Variants in CALD1 observed in about 807,000 individuals in gnomAD.
CALD1 encodes caldesmon 1, also known as caldesmon.
A neutral mutation model predicts 99.9 loss-of-function variants in CALD1; 33 were observed. The ratio of observed to expected loss-of-function variants is 0.33; its 90% CI spans 0.25 to 0.44. CALD1 has a LOEUF of 0.44. Ranked by LOEUF, CALD1 falls within the 20% of genes least tolerant of loss-of-function variation. The pLI, the probability that CALD1 is intolerant of heterozygous loss-of-function variation, is 1.00. For missense variants in CALD1, 861 were observed against 962.1 expected, an observed-to-expected ratio of 0.89 and a Z score of 1.39; for synonymous variants, 310 against 325.0, an observed-to-expected ratio of 0.95 and a Z score of 0.50.
At chr7:134,882,182 T>C (rs1358483957) in intron 3 of CALD1, among the ~76,000 whole-genome samples, 1 of 152,190 alleles carries the variant, frequency 6.6e-6, no homozygotes, top group Non-Finnish European at 1.5e-5. Context: ...CTAAGCTACT[T>C]GTGAGGGAGG....
chr7:134,900,778 G>A (rs1267813250), intron 3 of CALD1, among the ~76,000 whole-genome samples: 2 of 152,064 alleles, frequency 1.3e-5, no homozygotes, highest in African/African-American at 4.8e-5. Flanking sequence ...ACCACAGTGG[G>A]TGCCTGATCA....
chr7:134,779,139 A>G (rs1797004669), upstream of CALD1, among the ~76,000 whole-genome samples: 1 of 152,220 alleles, frequency 6.6e-6, no homozygotes, highest in Non-Finnish European at 1.5e-5. Context: ...GAAATATACT[A>G]TTAAGACTCC....
Position 134,941,176 on chromosome 7 carries a change from G to A in CALD1, c.1471G>A (p.Val491Ile). 3 of 1,613,102 alleles carry A rather than the reference G, an allele frequency of 1.9e-6. No homozygotes were observed. Among genetic ancestry groups the A allele is most frequent in the Non-Finnish European group, 1.7e-6 (2 of 1,179,556 alleles). Residue 491 changes from valine to isoleucine, a missense_variant, in exon 7 of 15, where the codon GTT becomes ATT. Around this residue, in one of 5 missense-constraint regions of CALD1, gnomAD observed 293 missense variants for 262.7 expected, o/e 1.12. Transcript: ENST00000361675. ...FMDRKKGFTE[V>I]KSQNGEFMTH... ...GGATCGAAAGAAGGGATTTACAGAAGTTAAGTCGCAGAATGGAGAATTCAT... is the reference window on the plus strand; with the variant it reads ...GGATCGAAAGAAGGGATTTACAGAAATTAAGTCGCAGAATGGAGAATTCAT...
chr7:134,924,230 T>C (rs1477462690), intron 3 of CALD1, among the ~76,000 whole-genome samples: 4 of 152,208 alleles, frequency 2.6e-5, no homozygotes, highest in African/African-American at 9.7e-5. Flanking sequence ...CACATACTCA[T>C]CATGTTCAAA....
intron 2 of CALD1, among the ~76,000 whole-genome samples, chr7:134,860,443 CA>C (rs1215692908): frequency 6.6e-6 from 1 of 152,174 alleles, no homozygotes; most frequent in Non-Finnish European, 1.5e-5. Context: ...GAGATTCATA[CA>C]TAGTCAATTA....
At chr7:134,935,906 T>C in intron 6 of CALD1, 141 bp downstream of exon 6, 3 of 772,936 alleles carry the variant, frequency 3.9e-6, no homozygotes, top group Non-Finnish European at 6.1e-6. Context: ...CACTGAATAG[T>C]GAGATCAGCT....
At chr7:134,784,263 T>A (rs1040480804) in intron 1 of CALD1, among the ~76,000 whole-genome samples, 1 of 152,152 alleles carries the variant, frequency 6.6e-6, no homozygotes, top group Non-Finnish European at 1.5e-5. Flanking sequence ...GAGAAACATA[T>A]TAAGCAGGAA....
intron 2 of CALD1, among the ~76,000 whole-genome samples, chr7:134,846,463 T>A (rs1799858418): frequency 3.3e-5 from 5 of 152,218 alleles, no homozygotes; most frequent in Admixed American, 3.3e-4. Flanking sequence ...CCATCAAATG[T>A]CATTTCTCAC....
At chr7:134,851,019 C>T (rs1314685627) in intron 2 of CALD1, among the ~76,000 whole-genome samples, 5 of 152,178 alleles carry the variant, frequency 3.3e-5, no homozygotes, top group South Asian at 4.1e-4. Context: ...TCCCCAGCCA[C>T]GTGGAACTGT....
intron 9 of CALD1, among the ~76,000 whole-genome samples, chr7:134,956,776 G>T (rs1008506568): frequency 6.6e-6 from 1 of 152,148 alleles, no homozygotes. Context: ...ACTTTTCAGC[G>T]TGCATGTGCT....
At chr7:134,958,155 A>G (rs1048575561) in intron 10 of CALD1, 43 bp downstream of exon 10, 7 of 1,607,566 alleles carry the variant, frequency 4.4e-6, no homozygotes, top group Admixed American at 1.7e-5. Flanking sequence ...CAGCTAGCAT[A>G]TGTATGAGAA....
At chr7:134,861,992 C>T (rs545831644) in intron 2 of CALD1, among the ~76,000 whole-genome samples, 7 of 152,262 alleles carry the variant, frequency 4.6e-5, no homozygotes, top group African/African-American at 1.4e-4. Flanking sequence ...TCCTGAGTTA[C>T]GAATTTTACA....
At chr7:134,932,939 A>AATG (rs1563107860) in intron 4 of CALD1, 49 bp from the exon 5 acceptor site, 9 of 1,308,628 alleles carry the variant, frequency 6.9e-6, no homozygotes, top group Non-Finnish European at 9.7e-6. Flanking sequence ...AATGCTGCTG[A>AATG]CTGATGAATG....
chr7:134,762,398 G>A (rs775625124), intron 1 of CALD1, among the ~76,000 whole-genome samples: 56 of 152,206 alleles, frequency 3.7e-4, no homozygotes, highest in Non-Finnish European at 7.2e-4. Flanking sequence ...CATGGGAGGG[G>A]AGGAGTGTTA....
At position 134,933,971 on chromosome 7, in the gene CALD1, A is replaced by G; in HGVS notation, c.1202A>G (p.Glu401Gly). 6.2e-7 allele frequency: 1 copy of G among 1,614,144 alleles called. No individual in the cohort carries two copies. The highest frequency in any genetic ancestry group is 8.5e-7 in the Non-Finnish European group (1 of 1,180,014). The part of the protein sequence containing the change: ...QLEEKKHAMQ[E>G]TKIKGEKVEQ... ...GAAGAGAAAAAACATGCCATGCAAGAGACAAAGATAAAAGGGGAAAAGGTA... is the reference window on the plus strand; with the variant it reads ...GAAGAGAAAAAACATGCCATGCAAGGGACAAAGATAAAAGGGGAAAAGGTA... Residue 401 changes from glutamate to glycine, a missense_variant, in exon 5 of 15, where the codon GAG becomes GGG. This residue lies in a region of CALD1 where 293 missense variants were observed against 262.7 expected (regional missense o/e 1.12). Coordinates refer to ENST00000361675, the MANE Select transcript of CALD1 (RefSeq NM_033138.4).
chr7:134,767,661 G>A lies in CALD1; in HGVS notation c.-130+23298G>A, dbSNP rs76028361. On this transcript the variant is annotated intron_variant, in intron 1 of 13. Coordinates refer to the CALD1 transcript ENST00000417172. ...CAGACAGGCTTCCTTGAGCATGAAC[G>A]GGAAGAGGAAACGTGCATGGCTGGG... 4.8e-3 allele frequency among the ~76,000 whole-genome samples: 731 copies of A among 152,336 alleles called. 22 individuals are homozygous for A. In the East Asian group the frequency reaches 0.07, roughly 15 times the overall value.
intron 3 of CALD1, among the ~76,000 whole-genome samples, chr7:134,917,353 T>A (rs745937841): frequency 4.3e-4 from 66 of 152,194 alleles, no homozygotes; most frequent in Admixed American, 1.6e-3. Flanking sequence ...TTAAAAAAAA[T>A]TTTTATTTTT....
At position 134,779,635 on chromosome 7, in the gene CALD1, G is replaced by C; in HGVS notation, c.-244G>C. 2.5e-6 allele frequency: 1 copy of C among 398,772 alleles called. No individual in the cohort carries two copies. Among genetic ancestry groups the C allele is most frequent in the East Asian group, 3.6e-5 (1 of 28,082 alleles). 24.7% of individuals were successfully genotyped at this position (398,772 alleles called of 1,614,324 possible). A position where few individuals can be genotyped will look rare whatever the true frequency, so the allele number is the denominator to read the frequency against. ...GTCTGGAGTTTTATTGAATAGAGCA[G>C]TGTGTATTCGGCTGCCTGCCTGCCC... On this transcript the variant is annotated 5_prime_UTR_variant, in exon 1 of 15. Transcript: ENST00000361675.
In CALD1 at chr7:134,944,789, GACT is replaced by G. The variant is rs578245341; in HGVS notation, c.1533-2715_1533-2713del. On this transcript the variant is annotated intron_variant, in intron 7 of 14. Coordinates refer to ENST00000361675, the MANE Select transcript of CALD1 (RefSeq NM_033138.4). Reference sequence around the variant, plus strand: ...CAAAGCTGTATCTCTGTCTCTTAAAGACTACTTATAACAAGGGCTTCAAGCCTA... The same window carrying G: ...CAAAGCTGTATCTCTGTCTCTTAAAGACTTATAACAAGGGCTTCAAGCCTA... Among the ~76,000 whole-genome samples, 87 of 152,228 alleles carry G rather than the reference GACT, an allele frequency of 5.7e-4. 1 individual carries two copies. Among genetic ancestry groups the G allele is most frequent in the African/African-American group, 1.9e-3 (81 of 41,552 alleles).
Sources: allele counts gnomAD v4.1 joint callset (sites outside exome capture counted in the v4.1 genomes callset), GRCh38; gene constraint gnomAD v4.1.1; regional missense constraint gnomAD v4.1.1; transcripts MANE v1.5; gene names NCBI Gene and HGNC (gene_info 2026-07-23, HGNC 2026-07-21).